The following ZER1 variants were observed in gnomAD, a reference collection of about 807,000 sequenced individuals.
ZER1 encodes zyg-11 related cell cycle regulator, also known as protein zer-1 homolog.
A neutral mutation model predicts 78.8 loss-of-function variants in ZER1; 11 were observed. That is an observed-to-expected ratio of 0.14 (90% CI 0.09 to 0.23). The LOEUF (loss-of-function observed/expected upper bound fraction) is 0.23, where lower values mean the gene tolerates loss of function less well. Among genes scored for constraint, ZER1 ranks in the 10% least tolerant of loss-of-function variants. The pLI is 1.00. For missense variants in ZER1, 588 were observed against 996.9 expected (o/e 0.59, Z 5.52); for synonymous variants, 400 against 407.0 (o/e 0.98, Z 0.21).
chr9:128,750,508 A>G, intron 8 of ZER1, 108 bp downstream of exon 8: 1 of 1,311,162 alleles, frequency 7.6e-7, no homozygotes, highest in South Asian at 1.4e-5. Context: ...TGGGAAAGGG[A>G]GCTGGGACAG....
rs115877621 is a variant in ZER1, at chr9:128,762,658, T to C, written c.-94-6999A>G. Among the ~76,000 whole-genome samples, 247 of 152,316 alleles carry C rather than the reference T, an allele frequency of 1.6e-3. 1 individual carries two copies. Among genetic ancestry groups the C allele is most frequent in the African/African-American group, 5.6e-3 (231 of 41,570 alleles). On this transcript the variant is annotated intron_variant, in intron 1 of 15. Coordinates refer to ENST00000291900, the MANE Select transcript of ZER1 (RefSeq NM_006336.4). ...GACAACCGTTATTATGTTGTTGTTA[T>C]AATCATTACCTTCTCCTACCTCATC... is the stretch of plus-strand genomic sequence containing the variant.
At chr9:128,745,607 T>C (rs1181644974) in intron 8 of ZER1, among the ~76,000 whole-genome samples, 2 of 152,050 alleles carry the variant, frequency 1.3e-5, no homozygotes, top group African/African-American at 4.8e-5. Flanking sequence ...TCCACCCGCC[T>C]CAGCCTCCCA....
At chr9:128,767,636 T>C (rs1032599166) in intron 1 of ZER1, among the ~76,000 whole-genome samples, 1 of 152,162 alleles carries the variant, frequency 6.6e-6, no homozygotes, top group Non-Finnish European at 1.5e-5. Context: ...AATGAGTTGT[T>C]CCTCCGGTAA....
intron 4 of ZER1, 71 bp from the exon 5 acceptor site, chr9:128,752,920 C>A: frequency 1.3e-6 from 2 of 1,532,408 alleles, no homozygotes; most frequent in South Asian, 1.3e-5. Context: ...GATCCCAGCT[C>A]CTTTAGTCTG....
At chr9:128,738,237 G>A (rs1404278094) in intron 13 of ZER1, among the ~76,000 whole-genome samples, 1 of 141,900 alleles carries the variant, frequency 7.0e-6, no homozygotes, top group Admixed American at 7.3e-5. Context: ...GTAGAGGTGG[G>A]GTTTCACTGC....
chr9:128,751,546 G>A lies in ZER1; in HGVS notation c.924-19C>T, dbSNP rs747298970. The A allele has an allele frequency of 6.8e-6, 11 of 1,606,040 alleles. No individual in the cohort carries two copies. Among genetic ancestry groups the A allele is most frequent in the East Asian group, 6.7e-5 (3 of 44,830 alleles). ...CTCAATGCTGGGGAAAGAGGGTGCC[G>A]GTGTCAGTGGCTTGGGACCCAGGCC... On this transcript the variant is annotated intron_variant, in intron 5 of 15. Coordinates refer to ENST00000291900, the MANE Select transcript of ZER1 (RefSeq NM_006336.4). The surrounding 1 kb of genome is among the most constrained non-coding windows in gnomAD (Gnocchi z 5.4).
chr9:128,749,593 G>A (rs1863610707), intron 8 of ZER1, among the ~76,000 whole-genome samples: 1 of 151,908 alleles, frequency 6.6e-6, no homozygotes, highest in South Asian at 2.1e-4. Flanking sequence ...TGACCAACAT[G>A]GCAAAACCCC....
rs1445754986 is a variant in ZER1 at position 128,753,558 on chromosome 9, C to T, written c.352G>A (p.Ala118Thr). 6 of 1,613,922 alleles carry T rather than the reference C, an allele frequency of 3.7e-6. No homozygotes were observed. The highest frequency in any genetic ancestry group is 1.3e-5 in the African/African-American group (1 of 75,054). ...LYLTNCEKLS[A>T]KSLQTLRSFS... ...CTCCTCAGTGTCTGCAGGCTCTTGG[C>T]GGACAGCTTCTCGCAGTTAGTCAGG... Residue 118 changes from alanine (A) to threonine (T), a missense_variant, in exon 4 of 16, where the codon GCC becomes ACC. Transcript: ENST00000291900. The surrounding 1 kb of genome is among the most constrained non-coding windows in gnomAD (Gnocchi z 7.5).
intron 1 of ZER1, among the ~76,000 whole-genome samples, chr9:128,756,053 A>G (rs1049756479): frequency 6.6e-6 from 1 of 152,236 alleles, no homozygotes; most frequent in Non-Finnish European, 1.5e-5. Context: ...AGGCTGTGCC[A>G]GGGCTTAATA....
chr9:128,749,010 A>G (rs762015987), intron 8 of ZER1, among the ~76,000 whole-genome samples: 29 of 145,060 alleles, frequency 2.0e-4, no homozygotes, highest in Non-Finnish European at 3.5e-4. Context: ...CCAGCCTGAG[A>G]CCCTGTCTTA....
chr9:128,759,047 A>G (rs1266339578), intron 1 of ZER1, among the ~76,000 whole-genome samples: 2 of 149,092 alleles, frequency 1.3e-5, no homozygotes, highest in Non-Finnish European at 3.0e-5. Flanking sequence ...ACCAGGCTGG[A>G]GTGCAGTGGC....
In ZER1 at chr9:128,740,507, G is replaced by A. The variant is rs1863253899; in HGVS notation, c.1853+265C>T. On this transcript the variant is annotated intron_variant, in intron 12 of 15. Transcript: ENST00000291900. This position sits in a 1 kb window ranked among gnomAD's most constrained non-coding sequence, Gnocchi z 4.4. ...AGGCAGGAGAATGGCGTGAACCCGG[G>A]AGGCAGAGCTTGCAGTGAGCCTAGA... Among the ~76,000 whole-genome samples, 1 of 151,816 alleles carries A rather than the reference G, an allele frequency of 6.6e-6. No individual in the cohort carries two copies. Among genetic ancestry groups the A allele is most frequent in the South Asian group, 2.1e-4 (1 of 4,816 alleles).
At chr9:128,766,932 T>C (rs1864230243) in intron 1 of ZER1, among the ~76,000 whole-genome samples, 1 of 150,370 alleles carries the variant, frequency 6.7e-6, no homozygotes, top group South Asian at 2.1e-4. Flanking sequence ...ATTTATTTAT[T>C]TATTTATTTT....
At chr9:128,736,634 A>G (rs780606164) in intron 13 of ZER1, among the ~76,000 whole-genome samples, 6 of 150,018 alleles carry the variant, frequency 4.0e-5, no homozygotes, top group Non-Finnish European at 3.0e-5. Flanking sequence ...TGGCCTCCCA[A>G]AGTGCTAGGA....
At chr9:128,747,513 AGAG>A (rs141595998) in intron 8 of ZER1, among the ~76,000 whole-genome samples, 3,368 of 152,284 alleles carry the variant, frequency 0.022, 112 homozygotes, top group African/African-American at 0.076. Context: ...AGCTGCATCT[AGAG>A]GAGGAGAGGT....
Position 128,755,691 on chromosome 9 carries a change from C to G in ZER1, c.-94-32G>C, listed in dbSNP as rs1863836142. ...AGTGGACAAGATGCCAAGTGAGCCA[C>G]ACACAAGGGCTAGAACTATCAGTGG... On this transcript the variant is annotated intron_variant, in intron 1 of 15. Coordinates refer to ENST00000291900, the MANE Select transcript of ZER1 (RefSeq NM_006336.4). The surrounding 1 kb of genome is among the most constrained non-coding windows in gnomAD (Gnocchi z 5.6). 1.6e-6 allele frequency: 2 copies of G among 1,242,286 alleles called. No individual in the cohort carries two copies. Among genetic ancestry groups the G allele is most frequent in the African/African-American group, 1.5e-5 (1 of 67,092 alleles). 77.0% of individuals were successfully genotyped at this position (1,242,286 alleles called of 1,614,324 possible).
At chr9:128,735,492 G>T in intron 13 of ZER1, 61 bp from the exon 14 acceptor site, 1 of 1,505,848 alleles carries the variant, frequency 6.6e-7, no homozygotes, top group Non-Finnish European at 9.1e-7. Context: ...GTCTTTTCTT[G>T]TCTGAGGTTT....
rs534291878 is a variant in ZER1 at position 128,748,233 on chromosome 9, G to A, written c.1359+2383C>T. The stretch of plus-strand genomic sequence containing the variant: ...ATCCTGGCTAACACAGTGAAACCCC[G>A]TCTCCACTAAAAATACAAAAACTTA... On this transcript the variant is annotated intron_variant, in intron 8 of 15. Transcript: ENST00000291900. Among the ~76,000 whole-genome samples the A allele has an allele frequency of 2.0e-4, 31 of 151,972 alleles. No individual in the cohort carries two copies. The South Asian group carries it at 3.3e-3, about 16-fold the overall frequency.
rs1373152017 is a variant in ZER1 at position 128,732,586 on chromosome 9, G to A, written c.2243+840C>T. Among the ~76,000 whole-genome samples the A allele has an allele frequency of 6.6e-6, 1 of 151,942 alleles. No individual in the cohort carries two copies. The highest frequency in any genetic ancestry group is 1.5e-5 in the Non-Finnish European group (1 of 67,990). ...GGTTTTACCATGTTAGCCAGGTCTC[G>A]AACTCCTGACCTCAAGTGATGCACC... On this transcript the variant is annotated intron_variant, in intron 15 of 15. Transcript: ENST00000291900. The surrounding 1 kb of genome is among the most constrained non-coding windows in gnomAD (Gnocchi z 4.8).
Sources: gnomAD v4.1 joint callset for allele counts (sites outside exome capture counted in the v4.1 genomes callset) on GRCh38, gnomAD v4.1.1 for gene constraint, Gnocchi (gnomAD v3.1) non-coding constraint, MANE v1.5 for transcripts, NCBI Gene and HGNC (gene_info 2026-07-23, HGNC 2026-07-21) for gene names.